MCPH1: variants seen among roughly 807,000 people sequenced by gnomAD.
The protein encoded by MCPH1 is microcephalin 1.
Under a neutral mutation model 84.5 loss-of-function variants are expected in MCPH1, and 104 were observed. The ratio of observed to expected loss-of-function variants is 1.23; its 90% CI spans 1.05 to 1.45. The LOEUF is 1.45. MCPH1 is among the 40% of genes most tolerant of loss of function. MCPH1 has a pLI of 0.00. For missense variants in MCPH1, 1,498 were observed against 1,005.7 expected (o/e 1.49, Z -6.62); for synonymous variants, 514 against 366.8 (o/e 1.40, Z -4.58).
In MCPH1 at chr8:6,648,134, G is replaced by A. The variant is rs962946303; in HGVS notation, c.*5085G>A. 2 of 152,146 alleles carry A rather than the reference G, an allele frequency of 1.3e-5. No homozygotes were observed. Among genetic ancestry groups the A allele is most frequent in the Non-Finnish European group, 2.9e-5 (2 of 68,050 alleles). 9.4% of individuals were successfully genotyped at this position (152,146 alleles called of 1,614,324 possible). A position where few individuals can be genotyped will look rare whatever the true frequency, so the allele number is the denominator to read the frequency against. ...TCTCTGCAGTCCCCAGCCAATACGT[G>A]GGCACAGAAAGGCACAGGGCATGGC... On this transcript the variant is annotated 3_prime_UTR_variant, in exon 14 of 14. Coordinates refer to ENST00000344683, the MANE Select transcript of MCPH1 (RefSeq NM_024596.5).
At position 6,591,084 on chromosome 8, in the gene MCPH1, G is replaced by T. The variant is rs1450397983; in HGVS notation, c.2215-30370G>T. Among the ~76,000 whole-genome samples, 9 of 152,296 alleles carry T rather than the reference G, an allele frequency of 5.9e-5. 1 individual carries two copies. Among genetic ancestry groups the T allele is most frequent in the Admixed American group, 2.0e-4 (3 of 15,306 alleles). On this transcript the variant is annotated intron_variant, in intron 12 of 13. Coordinates refer to ENST00000344683, the MANE Select transcript of MCPH1 (RefSeq NM_024596.5). ...CGGTTAATTGTGTATTTTTAGTAGA[G>T]ACGGGTTTCTCCATGTTGGTCAGGC...
chr8:6,551,958 C>CT (rs899112289), intron 12 of MCPH1, among the ~76,000 whole-genome samples: 2 of 152,184 alleles, frequency 1.3e-5, no homozygotes, highest in Non-Finnish European at 2.9e-5. Context: ...TAATAAAACT[C>CT]TAATACTTCA....
At chr8:6,593,535 A>G (rs1828684502) in intron 12 of MCPH1, among the ~76,000 whole-genome samples, 1 of 151,968 alleles carries the variant, frequency 6.6e-6, no homozygotes, top group Non-Finnish European at 1.5e-5. Context: ...TGTATTTTTA[A>G]TAAAGATAGC....
intron 3 of MCPH1, among the ~76,000 whole-genome samples, chr8:6,428,931 G>A (rs958075074): frequency 7.2e-5 from 11 of 152,116 alleles, no homozygotes; most frequent in African/African-American, 2.4e-4. Flanking sequence ...TACTGTGGCC[G>A]TATTGCTGTT....
rs1322437355 is a variant in MCPH1 at position 6,444,629 on chromosome 8, C to T, written c.907C>T (p.Gln303Ter). ...TCTTTCAAAGGAAGAAATAAACTTG[C>T]AAAGAAATATTGCAGGTAAAGTAGT... ...SNLSKEEINLQRNIAGKVVTP... is the reference protein window; with the variant it reads ...SNLSKEEINL The change falls in exon 8 of 14, where the codon CAA (glutamine) becomes TAA (stop). Residue 303 changes from glutamine (Q) to a stop codon, truncating the protein, a stop_gained. Transcript: ENST00000344683. LOFTEE classifies it high-confidence loss of function. The T allele has an allele frequency of 1.2e-6, 2 of 1,613,878 alleles. No individual in the cohort carries two copies. The highest frequency in any genetic ancestry group is 1.7e-6 in the Non-Finnish European group (2 of 1,180,008).
chr8:6,439,215 T>TA, intron 6 of MCPH1, 119 bp downstream of exon 6: 1 of 1,033,102 alleles, frequency 9.7e-7, no homozygotes, highest in Non-Finnish European at 1.4e-6. Context: ...CATTTTGACT[T>TA]ATTTCATGGC....
intron 12 of MCPH1, among the ~76,000 whole-genome samples, chr8:6,516,407 T>C (rs892220276): frequency 6.6e-6 from 1 of 152,216 alleles, no homozygotes; most frequent in Non-Finnish European, 1.5e-5. Flanking sequence ...AAGTGATATA[T>C]AGGATTTGAA....
At position 6,643,815 on chromosome 8, in the gene MCPH1, T is replaced by C. The variant is rs930082718; in HGVS notation, c.*766T>C. On this transcript the variant is annotated 3_prime_UTR_variant, in exon 14 of 14. Coordinates refer to ENST00000344683, the MANE Select transcript of MCPH1 (RefSeq NM_024596.5). ...GTATGGGGGGTGTTATACAGGATAA[T>C]TGGTGACATCTGAGTGTCTTACTTC... 1 of 152,240 alleles carries C rather than the reference T, an allele frequency of 6.6e-6. No homozygotes were observed. Among genetic ancestry groups the C allele is most frequent in the Non-Finnish European group, 1.5e-5 (1 of 68,092 alleles). 9.4% of individuals were successfully genotyped at this position (152,240 alleles called of 1,614,324 possible).
rs1798262707 is a variant in MCPH1, at chr8:6,647,364, G to C, written c.*4315G>C. ...ATACAGCCACTTTGAAACACCATTT[G>C]GCAGTTGCTTAAAAAATTGAACATT... On this transcript the variant is annotated 3_prime_UTR_variant, in exon 14 of 14. Transcript: ENST00000344683. 6.6e-6 allele frequency: 1 copy of C among 152,112 alleles called. No homozygotes were observed. The highest frequency in any genetic ancestry group is 2.4e-5 in the African/African-American group (1 of 41,416). The allele number at this position is 152,112 out of a possible 1,614,324, so 9.4% of individuals were successfully genotyped here.
chr8:6,553,554 A>G (rs181445329), intron 12 of MCPH1, among the ~76,000 whole-genome samples: 49 of 152,312 alleles, frequency 3.2e-4, no homozygotes, highest in African/African-American at 1.2e-3. Flanking sequence ...TTTGGTATAG[A>G]ACGCCTTTAT....
At chr8:6,587,765 G>A (rs1198108798) in intron 12 of MCPH1, among the ~76,000 whole-genome samples, 1 of 152,170 alleles carries the variant, frequency 6.6e-6, no homozygotes. Flanking sequence ...AAGTCCATGT[G>A]GAGACCCTGT....
At chr8:6,445,760 G>A (rs1023476054) in intron 8 of MCPH1, 1 of 1,350,228 alleles carries the variant, frequency 7.4e-7, no homozygotes, top group Admixed American at 3.4e-5. Flanking sequence ...GGTTAAGTCT[G>A]TTAGGAATCT....
At chr8:6,440,324 G>A (rs202226055) in intron 6 of MCPH1, among the ~76,000 whole-genome samples, 4 of 152,022 alleles carry the variant, frequency 2.6e-5, no homozygotes, top group East Asian at 3.9e-4. Flanking sequence ...TATAACCCCT[G>A]CATGTGCCTA....
In MCPH1 at chr8:6,445,132, A is replaced by G. The variant is rs760191145; in HGVS notation, c.1410A>G (p.Thr470=). The change falls in exon 8 of 14, where the codon ACA becomes ACG. Residue 470 remains threonine, a synonymous_variant. Coordinates refer to ENST00000344683, the MANE Select transcript of MCPH1 (RefSeq NM_024596.5). ...CCTGCGTTGGCAAAAAAACCAGAAC[A>G]GTTGACATTACCAATTTCACAGCAA... ...DFSCVGKKTR[T]VDITNFTAKT... is the part of the protein sequence containing the mutation. The G allele has an allele frequency of 2.5e-6, 4 of 1,614,278 alleles. No homozygotes were observed. Among genetic ancestry groups the G allele is most frequent in the Non-Finnish European group, 3.4e-6 (4 of 1,180,054 alleles).
Position 6,419,904 on chromosome 8 carries a change from TTTTC to T in MCPH1, c.233+5025_233+5028del, listed in dbSNP as rs201384033. ...TTTTCCTCAGCTGAAATGATTTGCTTTTTCTTTGTTTTTTTAAAATAGATTTTTA... is the reference window on the plus strand; with the variant it reads ...TTTTCCTCAGCTGAAATGATTTGCTTTTTGTTTTTTTAAAATAGATTTTTA... On this transcript the variant is annotated intron_variant, in intron 3 of 13. Coordinates refer to ENST00000344683, the MANE Select transcript of MCPH1 (RefSeq NM_024596.5). Among the ~76,000 whole-genome samples the T allele has an allele frequency of 9.9e-3, 1,500 of 152,114 alleles. 25 individuals carry two copies. The highest frequency in any genetic ancestry group is 0.035 in the African/African-American group (1,448 of 41,472).
In MCPH1 at chr8:6,617,900, A is replaced by ATCTATCTATCTATCT. The variant is rs1554480975; in HGVS notation, c.2215-3554_2215-3553insTCTATCTATCTATCT. On this transcript the variant is annotated intron_variant, in intron 12 of 13. Transcript: ENST00000344683. ...CATCCATCTATCTATCTATCTATCTAATCTATCTATCTATCTATCTATCTA... is the reference window on the plus strand; with the variant it reads ...CATCCATCTATCTATCTATCTATCTATCTATCTATCTATCTATCTATCTATCTATCTATCTATCTA... 7.7e-5 allele frequency among the ~76,000 whole-genome samples: 11 copies of ATCTATCTATCTATCT among 143,134 alleles called. No individual in the cohort carries two copies. In the East Asian group the frequency reaches 8.3e-4, roughly 11 times the overall value. The allele number at this position is 143,134 out of a possible 152,430, so 93.9% of individuals were successfully genotyped here.
In MCPH1 at chr8:6,435,395, C is replaced by G. The variant is rs186986763; in HGVS notation, c.322-653C>G. 5.3e-5 allele frequency among the ~76,000 whole-genome samples: 8 copies of G among 152,224 alleles called. No individual in the cohort carries two copies. The East Asian group carries it at 1.5e-3, about 29-fold the overall frequency. On this transcript the variant is annotated intron_variant, in intron 4 of 13. Coordinates refer to ENST00000344683, the MANE Select transcript of MCPH1 (RefSeq NM_024596.5). ...GACAGGAGGAAACTCTCAAATCCGC[C>G]TCCCTGAGGTGGGGGCTCAGGCAGT...
At chr8:6,475,675 T>C (rs1439151787) in intron 9 of MCPH1, among the ~76,000 whole-genome samples, 1 of 152,194 alleles carries the variant, frequency 6.6e-6, no homozygotes, top group Non-Finnish European at 1.5e-5. Context: ...GTGTCAGGCA[T>C]AGAGCAAGAG....
intron 8 of MCPH1, among the ~76,000 whole-genome samples, chr8:6,448,149 C>G (rs1028071907): frequency 6.6e-6 from 1 of 152,146 alleles, no homozygotes; most frequent in Non-Finnish European, 1.5e-5. Flanking sequence ...TGTCAGCTAG[C>G]AAGCAGTTAA....
Sources: gnomAD v4.1 joint callset for allele counts (sites outside exome capture counted in the v4.1 genomes callset) on GRCh38, gnomAD v4.1.1 for gene constraint, MANE v1.5 for transcripts, NCBI Gene and HGNC (gene_info 2026-07-23, HGNC 2026-07-21) for gene names.